The following ZNF394 variants were observed in gnomAD, a reference collection of about 807,000 sequenced individuals.
ZNF394 encodes zinc finger protein 99.
A neutral mutation model predicts 21.8 loss-of-function variants in ZNF394; 19 were observed. That is an observed-to-expected ratio of 0.87 (90% CI 0.61 to 1.28). The LOEUF is 1.28. Among genes scored for constraint, ZNF394 ranks in the 50% most tolerant of loss-of-function variants. The probability of loss-of-function intolerance (pLI) is 0.00; values close to 1 mark genes in which losing one functional copy is unlikely to be tolerated. For missense variants in ZNF394, 683 were observed against 708.6 expected (o/e 0.96, Z 0.41); for synonymous variants, 294 against 273.3 (o/e 1.08, Z -0.75).
chr7:99,498,924 G>A (rs966952910), intron 1 of ZNF394, 82 bp from the exon 2 acceptor site: 5 of 1,485,200 alleles, frequency 3.4e-6, no homozygotes, highest in Non-Finnish European at 4.5e-6. Context: ...TACCGACAAG[G>A]GAGTTTGGAG....
chr7:99,500,137 G>A lies in ZNF394; in HGVS notation c.-44C>T, dbSNP rs1426446829. 6.6e-7 allele frequency: 1 copy of A among 1,504,858 alleles called. No homozygotes were observed. 93.2% of individuals were successfully genotyped at this position (1,504,858 alleles called of 1,614,324 possible). ...GCCCTTCCTGGAGTCTTCTTTTCAG[G>A]TGAAGAAAGAGCAAACCCAAGGAAC... is the stretch of plus-strand genomic sequence containing the variant. On this transcript the variant is annotated 5_prime_UTR_variant, in exon 1 of 3. Transcript: ENST00000337673.
At position 99,494,313 on chromosome 7, in the gene ZNF394, AT is replaced by A. The variant is rs1396203297; in HGVS notation, c.901del (p.Ile301SerfsTer24). 5.0e-6 allele frequency: 8 copies of A among 1,614,074 alleles called. No homozygotes were observed. The highest frequency in any genetic ancestry group is 5.1e-6 in the Non-Finnish European group (6 of 1,180,030). ...GTCAGTGGGCCTCTCTGCTTTCGGG[AT>A]GTGCTGACATAGAACAAGGTTGGAA... is the stretch of plus-strand genomic sequence containing the variant. ...RCSNLVLCQH[I>X]PKAERPTDSE... is the part of the protein sequence containing the mutation. On this transcript the variant is annotated frameshift_variant, in exon 3 of 3. Transcript: ENST00000337673. LOFTEE classifies it low-confidence loss of function (END_TRUNC).
At position 99,494,366 on chromosome 7, in the gene ZNF394, A is replaced by G. The variant is rs1363903558; in HGVS notation, c.849T>C (p.Asn283=). 3.1e-6 allele frequency: 5 copies of G among 1,614,146 alleles called. No individual in the cohort carries two copies. The highest frequency in any genetic ancestry group is 4.2e-6 in the Non-Finnish European group (5 of 1,180,032). The part of the protein sequence containing the change: ...NGSIEGEDSK[N]NELQNSARCS... The stretch of plus-strand genomic sequence containing the variant: ...ACCTGGCACTGTTCTGCAATTCATT[A>G]TTTTTAGAGTCTTCCCCTTCTATGG... The change falls in exon 3 of 3, where the codon AAT becomes AAC. Residue 283 remains asparagine, a synonymous_variant. Coordinates refer to ENST00000337673, the MANE Select transcript of ZNF394 (RefSeq NM_032164.4).
chr7:99,490,623 CCT>C (rs1800141559), downstream of ZNF394, among the ~76,000 whole-genome samples: 1 of 145,668 alleles, frequency 6.9e-6, no homozygotes, highest in Non-Finnish European at 1.5e-5. Flanking sequence ...CAAAGTGAGA[CCT>C]TTTTTTTTTT....
downstream of ZNF394, among the ~76,000 whole-genome samples, chr7:99,491,644 C>T (rs181797061): frequency 6.6e-6 from 1 of 151,488 alleles, no homozygotes; most frequent in Non-Finnish European, 1.5e-5. Flanking sequence ...GGTGTGGTGG[C>T]GAGTGCCTGT....
intron 1 of ZNF394, 90 bp downstream of exon 1, chr7:99,499,548 G>A (rs1800449361): frequency 2.5e-6 from 3 of 1,209,252 alleles, no homozygotes; most frequent in Non-Finnish European, 2.3e-6. Context: ...CACACGAAAT[G>A]TAATAAGGAA....
At chr7:99,490,170 T>TTTTTA (rs1800131848), downstream of ZNF394, among the ~76,000 whole-genome samples, 1 of 131,728 alleles carries the variant, frequency 7.6e-6, no homozygotes, top group East Asian at 2.1e-4. Flanking sequence ...TTTTTTTTTT[T>TTTTTA]GAGATGGCGA....
At position 99,494,234 on chromosome 7, in the gene ZNF394, G is replaced by A. The variant is rs541307703; in HGVS notation, c.981C>T (p.His327=). 75 of 1,614,236 alleles carry A rather than the reference G, an allele frequency of 4.6e-5. No homozygotes were observed. The highest frequency in any genetic ancestry group is 6.1e-5 in the Non-Finnish European group (72 of 1,180,050). ...TGTCAGACTTGTGAGGTTTCAGCAC[G>A]TGCCACGTCACCATGTGGAAACTTT... is the stretch of plus-strand genomic sequence containing the variant. ...CKQSFHMVTW[H]VLKPHKSDSG... is the part of the protein sequence containing the mutation. Residue 327 remains histidine, a synonymous_variant, in exon 3 of 3, where the codon CAC becomes CAT. Coordinates refer to ENST00000337673, the MANE Select transcript of ZNF394 (RefSeq NM_032164.4).
chr7:99,498,422 T>C (rs554890108), intron 2 of ZNF394: 1 of 288,584 alleles, frequency 3.5e-6, no homozygotes, highest in Non-Finnish European at 6.7e-6. Flanking sequence ...TAACATACTA[T>C]TTCCTTGGCA....
intron 1 of ZNF394, 71 bp downstream of exon 1, chr7:99,499,567 C>T (rs985696603): frequency 9.3e-6 from 13 of 1,403,492 alleles, no homozygotes; most frequent in African/African-American, 1.4e-5. Context: ...AAGTAAGTTC[C>T]GAAACGCAGA....
downstream of ZNF394, among the ~76,000 whole-genome samples, chr7:99,490,181 G>C (rs1263675933): frequency 7.5e-6 from 1 of 132,506 alleles, no homozygotes; most frequent in Non-Finnish European, 1.5e-5. Flanking sequence ...GAGATGGCGA[G>C]TCTCGCTCTG....
downstream of ZNF394, among the ~76,000 whole-genome samples, chr7:99,490,142 TCATC>T (rs1317046618): frequency 7.3e-6 from 1 of 137,084 alleles, no homozygotes; most frequent in African/African-American, 2.7e-5. Flanking sequence ...TGGCAAAACC[TCATC>T]TTTTTTTTTT....
At chr7:99,489,041 T>C (rs551760822), downstream of ZNF394, among the ~76,000 whole-genome samples, 14 of 152,082 alleles carry the variant, frequency 9.2e-5, no homozygotes, top group South Asian at 8.3e-4. Flanking sequence ...TCCCAGCACT[T>C]TGGGAGGCTG....
chr7:99,493,445 C>T lies in ZNF394; in HGVS notation c.*84G>A, dbSNP rs1335230345. 5 of 1,267,484 alleles carry T rather than the reference C, an allele frequency of 3.9e-6. No homozygotes were observed. Among genetic ancestry groups the T allele is most frequent in the African/African-American group, 1.5e-5 (1 of 66,886 alleles). The allele number at this position is 1,267,484 out of a possible 1,614,324, so 78.5% of individuals were successfully genotyped here. On this transcript the variant is annotated 3_prime_UTR_variant, in exon 3 of 3. Coordinates refer to ENST00000337673, the MANE Select transcript of ZNF394 (RefSeq NM_032164.4). ...CTCATTTTTGTATTTTTAGTAGAGA[C>T]AGGATTTTACCATGTTGGCCAGGCT...
downstream of ZNF394, among the ~76,000 whole-genome samples, chr7:99,489,348 C>T (rs955839732): frequency 1.3e-5 from 2 of 152,018 alleles, no homozygotes; most frequent in Admixed American, 6.6e-5. Context: ...TGGGCCCTGC[C>T]GAAGTCCCTC....
At chr7:99,491,368 T>C (rs1365219996), downstream of ZNF394, among the ~76,000 whole-genome samples, 1 of 152,154 alleles carries the variant, frequency 6.6e-6, no homozygotes, top group East Asian at 1.9e-4. Context: ...GCTAAGAGCA[T>C]CTTTTCTTAT....
chr7:99,488,521 A>G (rs1056015419), downstream of ZNF394, among the ~76,000 whole-genome samples: 13 of 151,922 alleles, frequency 8.6e-5, no homozygotes, highest in African/African-American at 3.1e-4. Flanking sequence ...AAAAGATTGA[A>G]GAATGCCTTT....
chr7:99,494,729 T>TTGTTA lies in ZNF394; in HGVS notation c.584-99_584-98insTAACA, dbSNP rs1554380213. On this transcript the variant is annotated intron_variant, in intron 2 of 2. Coordinates refer to ENST00000337673, the MANE Select transcript of ZNF394 (RefSeq NM_032164.4). ...TGTTAAACCCTCAAACCCCTTTTAC[T>TTGTTA]TTTTAATTAATTAATTTATTTTTTG... 7.8e-6 allele frequency: 11 copies of TTGTTA among 1,408,030 alleles called. No individual in the cohort carries two copies. The African/African-American group carries it at 1.2e-4, about 15-fold the overall frequency. The allele number at this position is 1,408,030 out of a possible 1,614,324, so 87.2% of individuals were successfully genotyped here.
At chr7:99,496,368 T>C (rs1367469494) in intron 2 of ZNF394, among the ~76,000 whole-genome samples, 1 of 151,392 alleles carries the variant, frequency 6.6e-6, no homozygotes, top group Non-Finnish European at 1.5e-5. Context: ...AGGGAGCAAT[T>C]TGAGCAAAGC....
Sources: gnomAD v4.1 joint callset for allele counts (sites outside exome capture counted in the v4.1 genomes callset) on GRCh38, gnomAD v4.1.1 for gene constraint, MANE v1.5 for transcripts, NCBI Gene and HGNC (gene_info 2026-07-23, HGNC 2026-07-21) for gene names.